NTM: variants seen among roughly 807,000 people sequenced by gnomAD.
The protein encoded by NTM is neurotrimin, also known as IgLON family member 2.
A neutral mutation model predicts 42.1 loss-of-function variants in NTM; 13 were observed. The observed-to-expected ratio is 0.31, with a 90% CI of 0.20 to 0.49. The LOEUF (loss-of-function observed/expected upper bound fraction) is 0.49. NTM is among the 20% of genes least tolerant of loss of function. The probability of loss-of-function intolerance (pLI) is 0.99; values close to 1 mark genes in which losing one functional copy is unlikely to be tolerated. For synonymous variants in NTM, 187 were observed against 179.2 expected (o/e 1.04, Z -0.35); for missense variants, 373 against 452.8 (o/e 0.82, Z 1.60).
chr11:131,613,152 C>T (rs890253883), intron 1 of NTM, among the ~76,000 whole-genome samples: 1 of 152,148 alleles, frequency 6.6e-6, no homozygotes, highest in Non-Finnish European at 1.5e-5. Flanking sequence ...ACACTTCTTG[C>T]AGGAAAGCAT....
At chr11:132,124,510 A>G (rs2065355237) in intron 2 of NTM, among the ~76,000 whole-genome samples, 1 of 152,096 alleles carries the variant, frequency 6.6e-6, no homozygotes, top group Non-Finnish European at 1.5e-5. Flanking sequence ...CTGCCTCCCC[A>G]TTTCTACCCA....
chr11:132,147,376 A>G (rs1025870324), intron 3 of NTM, among the ~76,000 whole-genome samples: 2 of 152,116 alleles, frequency 1.3e-5, no homozygotes, highest in African/African-American at 2.4e-5. Flanking sequence ...AAGAGCTGGC[A>G]TCACACTTGG....
intron 1 of NTM, among the ~76,000 whole-genome samples, chr11:131,373,309 C>T (rs1484207875): frequency 5.9e-5 from 9 of 152,142 alleles, no homozygotes; most frequent in Admixed American, 5.2e-4. Flanking sequence ...CATTCCAAGG[C>T]GATTTTTTCT....
intron 2 of NTM, among the ~76,000 whole-genome samples, chr11:132,081,482 C>A (rs369027379): frequency 1.1e-4 from 16 of 152,178 alleles, no homozygotes; most frequent in African/African-American, 3.9e-4. Context: ...CCTGTAATCC[C>A]AGCACTTTGG....
At chr11:132,275,704 ATATATATATGTATATATATACG>A (rs1555060046) in intron 4 of NTM, among the ~76,000 whole-genome samples, 4 of 126,684 alleles carry the variant, frequency 3.2e-5, no homozygotes, top group African/African-American at 1.2e-4. Context: ...ATATATATGT[ATATATATATGTATATATATACG>A]TATATATACG....
At chr11:132,270,064 A>G (rs1025361150) in intron 4 of NTM, among the ~76,000 whole-genome samples, 2 of 152,188 alleles carry the variant, frequency 1.3e-5, no homozygotes, top group Non-Finnish European at 2.9e-5. Flanking sequence ...TACTCCAGGC[A>G]ACCACTCGTG....
At chr11:132,330,321 C>G in intron 8 of NTM, 136 bp downstream of exon 8, 4 of 908,278 alleles carry the variant, frequency 4.4e-6, no homozygotes, top group Admixed American at 2.7e-5. Flanking sequence ...CAACCTTCAA[C>G]CATCTCCGTG....
In NTM at chr11:131,893,338, C is replaced by T. The variant is rs555893825; in HGVS notation, c.83-18226C>T. ...ATATAAATGAGTCAGTTTCCTCCTT[C>T]GTAAAGAAGAAAATGATTCGGAGTT... On this transcript the variant is annotated intron_variant, in intron 1 of 8. Coordinates refer to ENST00000683400, the MANE Select transcript of NTM (RefSeq NM_001352005.2). Among the ~76,000 whole-genome samples the T allele has an allele frequency of 4.6e-5, 7 of 152,248 alleles. 1 individual carries two copies. Among genetic ancestry groups the T allele is most frequent in the Admixed American group, 2.0e-4 (3 of 15,296 alleles).
At chr11:131,929,325 G>C (rs186333663) in intron 2 of NTM, among the ~76,000 whole-genome samples, 3 of 111,746 alleles carry the variant, frequency 2.7e-5, no homozygotes, top group Non-Finnish European at 5.6e-5. Flanking sequence ...TGAACCAACG[G>C]GGGGGCACAT....
At chr11:131,632,144 GTATT>G (rs1565352633) in intron 1 of NTM, among the ~76,000 whole-genome samples, 1 of 152,134 alleles carries the variant, frequency 6.6e-6, no homozygotes, top group Non-Finnish European at 1.5e-5. Flanking sequence ...ATTTTTCACT[GTATT>G]TATTTGGTGC....
intron 1 of NTM, among the ~76,000 whole-genome samples, chr11:131,602,426 T>C (rs1207245918): frequency 6.6e-6 from 1 of 152,218 alleles, no homozygotes; most frequent in East Asian, 1.9e-4. Context: ...AAAGTCGGTC[T>C]CCTCAATGCT....
chr11:131,514,042 T>C (rs999212630), intron 1 of NTM, among the ~76,000 whole-genome samples: 5 of 152,112 alleles, frequency 3.3e-5, no homozygotes, highest in African/African-American at 2.4e-5. Flanking sequence ...GAGAAATTAT[T>C]ATTAATGATA....
intron 2 of NTM, among the ~76,000 whole-genome samples, chr11:132,144,813 G>T (rs921869823): frequency 3.9e-5 from 6 of 152,212 alleles, no homozygotes; most frequent in African/African-American, 1.2e-4. Flanking sequence ...GCAATGAGCT[G>T]CAAAAAACTT....
chr11:132,041,748 T>C (rs2077236897), intron 2 of NTM, among the ~76,000 whole-genome samples: 1 of 152,190 alleles, frequency 6.6e-6, no homozygotes, highest in Non-Finnish European at 1.5e-5. Flanking sequence ...GATAGTGGAA[T>C]GACTGTGGCC....
intron 7 of NTM, among the ~76,000 whole-genome samples, chr11:132,321,273 CTT>C (rs903981438): frequency 1.2e-4 from 18 of 152,124 alleles, no homozygotes; most frequent in African/African-American, 4.3e-4. Context: ...AAGTTGAAAA[CTT>C]TGAAAAAAAT....
At chr11:132,072,746 T>C (rs2057859267) in intron 2 of NTM, among the ~76,000 whole-genome samples, 1 of 152,146 alleles carries the variant, frequency 6.6e-6, no homozygotes, top group South Asian at 2.1e-4. Flanking sequence ...CAGATATCCC[T>C]GCCACCTCCC....
chr11:131,728,395 A>G (rs1410995674), intron 1 of NTM, among the ~76,000 whole-genome samples: 2 of 152,206 alleles, frequency 1.3e-5, no homozygotes, highest in Non-Finnish European at 2.9e-5. Flanking sequence ...TTACCAGTTT[A>G]TTATAAAGGG....
At chr11:131,933,950 T>C (rs2058930213) in intron 2 of NTM, among the ~76,000 whole-genome samples, 1 of 152,108 alleles carries the variant, frequency 6.6e-6, no homozygotes, top group African/African-American at 2.4e-5. Flanking sequence ...CCCGTGACCA[T>C]CCCAATTTTA....
At chr11:132,079,577 T>G (rs998890671) in intron 2 of NTM, among the ~76,000 whole-genome samples, 2 of 152,218 alleles carry the variant, frequency 1.3e-5, no homozygotes, top group Non-Finnish European at 2.9e-5. Context: ...ATATTTTCTC[T>G]TTATGTGTCA....
Sources: allele counts gnomAD v4.1 joint callset (sites outside exome capture counted in the v4.1 genomes callset), GRCh38; gene constraint gnomAD v4.1.1; transcripts MANE v1.5; gene names NCBI Gene and HGNC (gene_info 2026-07-23, HGNC 2026-07-21).